Variants in IGSF3 observed in about 807,000 individuals in gnomAD.
The protein encoded by IGSF3 is immunoglobulin superfamily member 3, also known as glu-Trp-Ile EWI motif-containing protein 3.
Under a neutral mutation model 114.4 loss-of-function variants are expected in IGSF3, and 23 were observed. The observed-to-expected ratio is 0.20, with a 90% CI of 0.14 to 0.28. The LOEUF (loss-of-function observed/expected upper bound fraction) is 0.28. Ranked by LOEUF, IGSF3 falls within the 10% of genes least tolerant of loss-of-function variation. The pLI is 1.00. For missense variants in IGSF3, 1,172 were observed against 1,591.5 expected (o/e 0.74, Z 4.48); for synonymous variants, 571 against 645.2 (o/e 0.88, Z 1.74).
At chr1:116,640,674 T>C (rs1283572895) in intron 2 of IGSF3, among the ~76,000 whole-genome samples, 1 of 152,332 alleles carries the variant, frequency 6.6e-6, no homozygotes, top group African/African-American at 2.4e-5. Context: ...TCATTATCTA[T>C]AGCACAATGT....
In IGSF3 at chr1:116,577,492, G is replaced by A; in HGVS notation, c.3405C>T (p.Pro1135=). ...LFYFVFFYPF[P]IFGILIITIL... The stretch of plus-strand genomic sequence containing the variant: ...TGGTGATGATAAGAATGCCAAAGAT[G>A]GGGAAAGGGTAGAAGAAGACGAAGT... The change falls in exon 11 of 11, where the codon CCC becomes CCT. Residue 1135 remains proline, a synonymous_variant. Transcript: ENST00000369486. This position sits in a 1 kb window ranked among gnomAD's most constrained non-coding sequence, Gnocchi z 5.7. The A allele has an allele frequency of 6.2e-7, 1 of 1,614,104 alleles. No individual in the cohort carries two copies. Among genetic ancestry groups the A allele is most frequent in the Non-Finnish European group, 8.5e-7 (1 of 1,179,978 alleles).
chr1:116,603,616 T>C lies in IGSF3; in HGVS notation c.1624+8A>G. 6.2e-7 allele frequency: 1 copy of C among 1,610,922 alleles called. No individual in the cohort carries two copies. Among genetic ancestry groups the C allele is most frequent in the South Asian group, 1.1e-5 (1 of 90,896 alleles). On this transcript the variant is annotated splice_region_variant and intron_variant, in intron 6 of 10. Transcript: ENST00000369486. This position sits in a 1 kb window ranked among gnomAD's most constrained non-coding sequence, Gnocchi z 7.1. ...CCAGACCCACTGCCAGTCCCACCGC[T>C]CACTCACCAAGAGCTGTGATGGAGA... is the stretch of plus-strand genomic sequence containing the variant.
rs560638382 is a variant in IGSF3 at position 116,612,925 on chromosome 1, C to T, written c.832+840G>A. On this transcript the variant is annotated intron_variant, in intron 4 of 10. Transcript: ENST00000369486. This position sits in a 1 kb window ranked among gnomAD's most constrained non-coding sequence, Gnocchi z 4.1. ...GGAGACTGGGGAGTAGAGTCTGGGG[C>T]CACAGGAGATACCAAGAGAAGCCAG... Among the ~76,000 whole-genome samples, 65 of 152,294 alleles carry T rather than the reference C, an allele frequency of 4.3e-4. No homozygotes were observed.
At position 116,661,892 on chromosome 1, in the gene IGSF3, G is replaced by C. The variant is rs116090982; in HGVS notation, c.43+4392C>G. ...GTGGAAGTGATGTATATAACTTCCA[G>C]GAAGTATCCTTACATTAAGAGGTCC... is the stretch of plus-strand genomic sequence containing the variant. On this transcript the variant is annotated intron_variant, in intron 2 of 10. Transcript: ENST00000369486. This position sits in a 1 kb window ranked among gnomAD's most constrained non-coding sequence, Gnocchi z 4.0. 6.6e-6 allele frequency among the ~76,000 whole-genome samples: 1 copy of C among 152,282 alleles called. No homozygotes were observed. The highest frequency in any genetic ancestry group is 2.4e-5 in the African/African-American group (1 of 41,550).
At chr1:116,626,630 T>C (rs1647299562) in intron 2 of IGSF3, among the ~76,000 whole-genome samples, 2 of 152,180 alleles carry the variant, frequency 1.3e-5, no homozygotes, top group Non-Finnish European at 2.9e-5. Flanking sequence ...ACTTTCAGGA[T>C]GTCCATGGCT....
rs1659254577 is a variant in IGSF3, at chr1:116,574,421, A to G, written c.*2891T>C. On this transcript the variant is annotated 3_prime_UTR_variant, in exon 11 of 11. Transcript: ENST00000369486. The surrounding 1 kb of genome is among the most constrained non-coding windows in gnomAD (Gnocchi z 5.2). ...TGTAAACAGCCGTATTTTCAACATAATTTACTACAGGTCTCTGAAGTGTAT... is the reference window on the plus strand; with the variant it reads ...TGTAAACAGCCGTATTTTCAACATAGTTTACTACAGGTCTCTGAAGTGTAT... The G allele has an allele frequency of 6.6e-6, 1 of 152,622 alleles. No individual in the cohort carries two copies. The highest frequency in any genetic ancestry group is 2.4e-5 in the African/African-American group (1 of 41,436). 9.5% of individuals were successfully genotyped at this position (152,622 alleles called of 1,614,324 possible).
At position 116,654,007 on chromosome 1, in the gene IGSF3, T is replaced by A. The variant is rs1304349280; in HGVS notation, c.43+12277A>T. ...AACATCAGAAGGCATTATGAAACTG[T>A]TCAGCAAATCATCTCTAAACAATGT... On this transcript the variant is annotated intron_variant, in intron 2 of 10. Transcript: ENST00000369486. This position sits in a 1 kb window ranked among gnomAD's most constrained non-coding sequence, Gnocchi z 4.4. Among the ~76,000 whole-genome samples the A allele has an allele frequency of 1.3e-5, 2 of 152,234 alleles. No homozygotes were observed. Among genetic ancestry groups the A allele is most frequent in the African/African-American group, 4.8e-5 (2 of 41,466 alleles).
chr1:116,606,501 C>T (rs1294603454), intron 5 of IGSF3: 7 of 1,555,200 alleles, frequency 4.5e-6, no homozygotes, highest in Non-Finnish European at 5.3e-6. Flanking sequence ...CCCAAGTGGC[C>T]TTGGGACAGG....
At chr1:116,640,221 T>C (rs976866176) in intron 2 of IGSF3, among the ~76,000 whole-genome samples, 47 of 152,244 alleles carry the variant, frequency 3.1e-4, no homozygotes, top group African/African-American at 1.1e-3. Context: ...TTTTCATTTC[T>C]GAATAAGGAA....
At chr1:116,667,223 G>A (rs547343311) in intron 1 of IGSF3, among the ~76,000 whole-genome samples, 1 of 152,296 alleles carries the variant, frequency 6.6e-6, no homozygotes, top group African/African-American at 2.4e-5. Flanking sequence ...TACCGAGCCC[G>A]GGCGCCGCAG....
Position 116,576,787 on chromosome 1 carries a change from A to G in IGSF3, c.*525T>C, listed in dbSNP as rs1659360399. 1 of 153,484 alleles carries G rather than the reference A, an allele frequency of 6.5e-6. No individual in the cohort carries two copies. The highest frequency in any genetic ancestry group is 1.9e-4 in the East Asian group (1 of 5,206). 9.5% of individuals were successfully genotyped at this position (153,484 alleles called of 1,614,324 possible). On this transcript the variant is annotated 3_prime_UTR_variant, in exon 11 of 11. Transcript: ENST00000369486. The surrounding 1 kb of genome is among the most constrained non-coding windows in gnomAD (Gnocchi z 4.6). The stretch of plus-strand genomic sequence containing the variant: ...AATTCTTAAGTCTTGTTAAGAAAGT[A>G]AAAAACGTTTGGGTATATTTTGATC...
Position 116,584,554 on chromosome 1 carries a change from A to G in IGSF3, c.2848+91T>C. 1 of 1,249,054 alleles carries G rather than the reference A, an allele frequency of 8.0e-7. No individual in the cohort carries two copies. Among genetic ancestry groups the G allele is most frequent in the Non-Finnish European group, 1.1e-6 (1 of 875,626 alleles). The allele number at this position is 1,249,054 out of a possible 1,614,324, so 77.4% of individuals were successfully genotyped here. On this transcript the variant is annotated intron_variant, in intron 9 of 10. Coordinates refer to ENST00000369486, the MANE Select transcript of IGSF3 (RefSeq NM_001007237.3). This position sits in a 1 kb window ranked among gnomAD's most constrained non-coding sequence, Gnocchi z 5.8. ...TCATATATTTAACTGCAAATAATTT[A>G]TTAATAAACTAATTTTATCCAGTGC...
At chr1:116,601,875 C>T (rs889865145) in intron 6 of IGSF3, among the ~76,000 whole-genome samples, 4 of 152,278 alleles carry the variant, frequency 2.6e-5, no homozygotes, top group Admixed American at 2.6e-4. Context: ...GTGCTCCTGG[C>T]CTCACACCTG....
intron 6 of IGSF3, among the ~76,000 whole-genome samples, chr1:116,602,133 C>G (rs1411461322): frequency 6.6e-6 from 1 of 152,172 alleles, no homozygotes. Context: ...TTTGGGCCAC[C>G]TGATTATGGC....
rs1352249854 is a variant in IGSF3, at chr1:116,661,861, A to G, written c.43+4423T>C. ...CATGACTAGGTTCTAGCCAATGAGA[A>G]TGTTAGTGGAAGTGATGTATATAAC... is the stretch of plus-strand genomic sequence containing the variant. On this transcript the variant is annotated intron_variant, in intron 2 of 10. Coordinates refer to ENST00000369486, the MANE Select transcript of IGSF3 (RefSeq NM_001007237.3). The surrounding 1 kb of genome is among the most constrained non-coding windows in gnomAD (Gnocchi z 4.0). 6.6e-6 allele frequency among the ~76,000 whole-genome samples: 1 copy of G among 152,204 alleles called. No homozygotes were observed. Among genetic ancestry groups the G allele is most frequent in the Non-Finnish European group, 1.5e-5 (1 of 68,046 alleles).
At position 116,662,730 on chromosome 1, in the gene IGSF3, C is replaced by T. The variant is rs578130823; in HGVS notation, c.43+3554G>A. On this transcript the variant is annotated intron_variant, in intron 2 of 10. Coordinates refer to ENST00000369486, the MANE Select transcript of IGSF3 (RefSeq NM_001007237.3). This position sits in a 1 kb window ranked among gnomAD's most constrained non-coding sequence, Gnocchi z 4.3. ...GGGAAGTGCACTACCTCTGGGACAACTATTAGGACAGTGGTGTTTGTTCAT... is the reference window on the plus strand; with the variant it reads ...GGGAAGTGCACTACCTCTGGGACAATTATTAGGACAGTGGTGTTTGTTCAT... Among the ~76,000 whole-genome samples the T allele has an allele frequency of 6.6e-6, 1 of 152,312 alleles. No homozygotes were observed. The highest frequency in any genetic ancestry group is 2.4e-5 in the African/African-American group (1 of 41,570).
chr1:116,599,973 G>A lies in IGSF3; in HGVS notation c.1997C>T (p.Ser666Phe). Residue 666 changes from serine to phenylalanine, a missense_variant, in exon 7 of 11, where the codon TCC (serine) becomes TTC (phenylalanine). By Grantham distance (155) the Ser-to-Phe change is radical. Coordinates refer to ENST00000369486, the MANE Select transcript of IGSF3 (RefSeq NM_001007237.3). Reference sequence around the variant, plus strand: ...CAGCACCCTGATCTCCAGCAGGTTGGAGGTCCTCTCCGCCAGTCGCGTCCA... The same window carrying A: ...CAGCACCCTGATCTCCAGCAGGTTGAAGGTCCTCTCCGCCAGTCGCGTCCA... ...NTWTRLAERT[S>F]NLLEIRVLQP... The A allele has an allele frequency of 1.9e-6, 3 of 1,613,620 alleles. No individual in the cohort carries two copies. Among genetic ancestry groups the A allele is most frequent in the Non-Finnish European group, 2.5e-6 (3 of 1,179,652 alleles).
rs1660265631 is a variant in IGSF3, at chr1:116,594,686, A to G, written c.2029+5255T>C. On this transcript the variant is annotated intron_variant, in intron 7 of 10. Coordinates refer to ENST00000369486, the MANE Select transcript of IGSF3 (RefSeq NM_001007237.3). The surrounding 1 kb of genome is among the most constrained non-coding windows in gnomAD (Gnocchi z 5.2). Reference sequence around the variant, plus strand: ...TTGCTTTTAGCTATTACATATGCCCACCCTCACCCCATGCTCCCATGTACA... The same window carrying G: ...TTGCTTTTAGCTATTACATATGCCCGCCCTCACCCCATGCTCCCATGTACA... Among the ~76,000 whole-genome samples the G allele has an allele frequency of 6.6e-6, 1 of 152,020 alleles. No individual in the cohort carries two copies. Among genetic ancestry groups the G allele is most frequent in the South Asian group, 2.1e-4 (1 of 4,822 alleles).
Position 116,649,964 on chromosome 1 carries a change from C to G in IGSF3, c.43+16320G>C, listed in dbSNP as rs192170932. On this transcript the variant is annotated intron_variant, in intron 2 of 10. Coordinates refer to ENST00000369486, the MANE Select transcript of IGSF3 (RefSeq NM_001007237.3). The surrounding 1 kb of genome is among the most constrained non-coding windows in gnomAD (Gnocchi z 4.5). ...TTCCCCAGAACGCCCTTCTGCTCCTCCCACACAAATCCTAATCCTACCTCA... is the reference window on the plus strand; with the variant it reads ...TTCCCCAGAACGCCCTTCTGCTCCTGCCACACAAATCCTAATCCTACCTCA... Among the ~76,000 whole-genome samples the G allele has an allele frequency of 1.3e-5, 2 of 152,302 alleles. No individual in the cohort carries two copies. Among genetic ancestry groups the G allele is most frequent in the East Asian group, 3.9e-4 (2 of 5,188 alleles).
Sources: gnomAD v4.1 joint callset for allele counts (sites outside exome capture counted in the v4.1 genomes callset) on GRCh38, gnomAD v4.1.1 for gene constraint, Gnocchi (gnomAD v3.1) non-coding constraint, MANE v1.5 for transcripts, NCBI Gene and HGNC (gene_info 2026-07-23, HGNC 2026-07-21) for gene names.